MKLN1: variants seen among roughly 807,000 people sequenced by gnomAD.
The protein encoded by MKLN1 is muskelin.
In MKLN1, 18 loss-of-function variants were observed where a neutral mutation model predicts 99.0. The observed-to-expected ratio is 0.18, with a 90% confidence interval of 0.13 to 0.27. The LOEUF is 0.27. MKLN1 is among the 10% of genes least tolerant of loss of function. The pLI is 1.00. For missense variants in MKLN1, 621 were observed against 875.9 expected, an observed-to-expected ratio of 0.71 and a Z score of 3.67; for synonymous variants, 288 against 293.2, an observed-to-expected ratio of 0.98 and a Z score of 0.18.
intron 3 of MKLN1, among the ~76,000 whole-genome samples, chr7:131,241,852 T>C (rs1224085236): frequency 1.3e-5 from 2 of 152,208 alleles, no homozygotes; most frequent in African/African-American, 4.8e-5. Flanking sequence ...CTAATTGCTG[T>C]TCATTGCATA....
intron 3 of MKLN1, among the ~76,000 whole-genome samples, chr7:131,271,491 C>G (rs995480719): frequency 2.0e-5 from 3 of 151,936 alleles, no homozygotes; most frequent in African/African-American, 7.3e-5. Context: ...GTGGCAGGCA[C>G]CTGTAGTCCC....
intron 5 of MKLN1, 90 bp from the exon 6 acceptor site, chr7:131,399,151 G>A: frequency 9.2e-7 from 1 of 1,088,482 alleles, no homozygotes; most frequent in South Asian, 1.3e-5. Flanking sequence ...AATGCTCAGT[G>A]TAGATTAGTT....
intron 2 of MKLN1, among the ~76,000 whole-genome samples, chr7:131,164,534 G>A (rs903182840): frequency 6.6e-6 from 1 of 152,078 alleles, no homozygotes; most frequent in Non-Finnish European, 1.5e-5. Context: ...AAGCTAAAAC[G>A]TTTCTAGACA....
At chr7:131,232,475 T>C (rs1230465600) in intron 3 of MKLN1, among the ~76,000 whole-genome samples, 1 of 152,234 alleles carries the variant, frequency 6.6e-6, no homozygotes, top group African/African-American at 2.4e-5. Context: ...TGGAATAAGC[T>C]TGGCAACCAG....
intron 2 of MKLN1, among the ~76,000 whole-genome samples, chr7:131,195,586 TC>T (rs368035545): frequency 1.3e-5 from 2 of 152,156 alleles, no homozygotes; most frequent in Non-Finnish European, 2.9e-5. Flanking sequence ...TGCCTTTTTT[TC>T]CTCCTCAATA....
chr7:131,230,673 A>G (rs1472706915), intron 3 of MKLN1, among the ~76,000 whole-genome samples: 1 of 152,166 alleles, frequency 6.6e-6, no homozygotes, highest in Non-Finnish European at 1.5e-5. Context: ...TCAGGTTCAC[A>G]TGGCATTCTT....
chr7:131,250,826 C>T (rs889282712), intron 3 of MKLN1, among the ~76,000 whole-genome samples: 2 of 152,168 alleles, frequency 1.3e-5, no homozygotes, highest in East Asian at 3.9e-4. Flanking sequence ...AATGTACGTA[C>T]ACCATCTTAA....
intron 3 of MKLN1, among the ~76,000 whole-genome samples, chr7:131,320,294 T>A (rs997459681): frequency 1.3e-5 from 2 of 152,168 alleles, no homozygotes; most frequent in African/African-American, 4.8e-5. Flanking sequence ...AACCATCTGA[T>A]CTTTGACAAA....
At chr7:131,361,549 C>T (rs200520908) in intron 1 of MKLN1, among the ~76,000 whole-genome samples, 1 of 150,270 alleles carries the variant, frequency 6.7e-6, no homozygotes, top group Non-Finnish European at 1.5e-5. Flanking sequence ...TTTTTCTTGC[C>T]TTATTTAGCA....
Position 131,327,877 on chromosome 7 carries a change from G to A in MKLN1, c.-23G>A. On this transcript the variant is annotated 5_prime_UTR_variant, in exon 1 of 18. Transcript: ENST00000352689. ...TCCCGTTCGCTGCCAGCGGTCGGTG[G>A]CGGCCGCTACGGTGCTGACAAGATG... 6.2e-7 allele frequency: 1 copy of A among 1,608,038 alleles called. No homozygotes were observed. The highest frequency in any genetic ancestry group is 8.5e-7 in the Non-Finnish European group (1 of 1,178,716).
intron 3 of MKLN1, among the ~76,000 whole-genome samples, chr7:131,234,799 A>G (rs1426336366): frequency 6.6e-6 from 1 of 152,198 alleles, no homozygotes; most frequent in Non-Finnish European, 1.5e-5. Flanking sequence ...CCCTCCTCAG[A>G]GAAATGCTGT....
chr7:131,122,787 C>T (rs981964836), intron 1 of MKLN1, among the ~76,000 whole-genome samples: 8 of 151,756 alleles, frequency 5.3e-5, no homozygotes, highest in African/African-American at 1.9e-4. Flanking sequence ...TTTGAGAGGC[C>T]GAGGCGGGCG....
Position 131,471,146 on chromosome 7 carries a change from A to T in MKLN1, c.2031+202A>T, listed in dbSNP as rs79299917. On this transcript the variant is annotated intron_variant, in intron 16 of 17. Transcript: ENST00000352689. The stretch of plus-strand genomic sequence containing the variant: ...TGTGATAAGATTCAAGTCACCAAAA[A>T]CCCTTGGTCCATTCAGAAAAGGATT... 7.3e-3 allele frequency: 3,438 copies of T among 469,286 alleles called. 76 individuals carry two copies. The highest frequency in any genetic ancestry group is 0.061 in the African/African-American group (3,042 of 49,960). The allele number at this position is 469,286 out of a possible 1,614,324, so 29.1% of individuals were successfully genotyped here. A position where few individuals can be genotyped will look rare whatever the true frequency, so the allele number is the denominator to read the frequency against.
chr7:131,205,396 C>G (rs891522637), intron 3 of MKLN1, among the ~76,000 whole-genome samples: 1 of 152,150 alleles, frequency 6.6e-6, no homozygotes, highest in Admixed American at 6.5e-5. Flanking sequence ...CCGATCGCTT[C>G]TTGGGCATAG....
At chr7:131,171,678 G>C (rs764148127) in intron 2 of MKLN1, among the ~76,000 whole-genome samples, 1 of 151,988 alleles carries the variant, frequency 6.6e-6, no homozygotes, top group Non-Finnish European at 1.5e-5. Flanking sequence ...GGCTGATCTC[G>C]AACTCCTGAC....
intron 10 of MKLN1, among the ~76,000 whole-genome samples, chr7:131,440,553 C>T (rs1795808787): frequency 1.3e-5 from 2 of 151,942 alleles, no homozygotes; most frequent in Admixed American, 1.3e-4. Flanking sequence ...AGAAAAATAA[C>T]AATAAATGAA....
At chr7:131,227,495 CTCTTTCTT>C (rs369374338) in intron 3 of MKLN1, among the ~76,000 whole-genome samples, 2,695 of 115,764 alleles carry the variant, frequency 0.023, 38 homozygotes, top group African/African-American at 0.025. Flanking sequence ...CTCTTTCTTT[CTCTTTCTT>C]TCTTTCTTTC....
intron 6 of MKLN1, among the ~76,000 whole-genome samples, chr7:131,407,664 C>T (rs1306420527): frequency 1.3e-5 from 2 of 150,838 alleles, no homozygotes; most frequent in Non-Finnish European, 3.0e-5. Context: ...TCCCAACTGC[C>T]AGACCCTTTT....
At chr7:131,354,683 A>G (rs1799822862) in intron 1 of MKLN1, among the ~76,000 whole-genome samples, 1 of 152,144 alleles carries the variant, frequency 6.6e-6, no homozygotes, top group African/African-American at 2.4e-5. Context: ...TCTCAGTGAC[A>G]GGATGTAAAG....
Sources: gnomAD v4.1 joint callset for allele counts (sites outside exome capture counted in the v4.1 genomes callset) on GRCh38, gnomAD v4.1.1 for gene constraint, MANE v1.5 for transcripts, NCBI Gene and HGNC (gene_info 2026-07-23, HGNC 2026-07-21) for gene names.